ZNF100: variants seen among roughly 807,000 people sequenced by gnomAD.
ZNF100 encodes the protein zinc finger protein 100, also known as zinc finger protein 100 (Y1).
In ZNF100, 12 loss-of-function variants were observed where a neutral mutation model predicts 15.8. The observed-to-expected ratio is 0.76, with a 90% CI of 0.49 to 1.23. The LOEUF (loss-of-function observed/expected upper bound fraction) is 1.23, where lower values mean the gene tolerates loss of function less well. ZNF100 is among the 50% of genes most tolerant of loss of function. The probability of loss-of-function intolerance (pLI) is 0.00; values close to 1 mark genes in which losing one functional copy is unlikely to be tolerated. For missense variants in ZNF100, 670 were observed against 635.6 expected (o/e 1.05, Z -0.58); for synonymous variants, 226 against 214.8 (o/e 1.05, Z -0.45).
At chr19:21,735,898 C>T (rs1207789169) in intron 4 of ZNF100, among the ~76,000 whole-genome samples, 1 of 152,086 alleles carries the variant, frequency 6.6e-6, no homozygotes, top group Non-Finnish European at 1.5e-5. Flanking sequence ...ACACCATTCT[C>T]CTGCCTCAGC....
intron 2 of ZNF100, among the ~76,000 whole-genome samples, chr19:21,763,765 A>G (rs896689119): frequency 1.2e-4 from 19 of 152,176 alleles, no homozygotes; most frequent in Admixed American, 4.6e-4. Context: ...AACCTTTTCA[A>G]TCTCCAACTG....
chr19:21,749,945 T>C (rs2036274569), intron 2 of ZNF100, among the ~76,000 whole-genome samples: 1 of 152,174 alleles, frequency 6.6e-6, no homozygotes, highest in Non-Finnish European at 1.5e-5. Flanking sequence ...GGGATCAATC[T>C]GACTCTGCAT....
chr19:21,729,906 A>G (rs16998300), intron 4 of ZNF100, among the ~76,000 whole-genome samples: 13,975 of 152,100 alleles, frequency 0.092, 857 homozygotes, highest in South Asian at 0.18. Context: ...TACCAGATTG[A>G]AATATACTGT....
rs2035822374 is a variant in ZNF100 at position 21,727,394 on chromosome 19, T to C, written c.918A>G (p.Thr306=). 2 of 1,612,824 alleles carry C rather than the reference T, an allele frequency of 1.2e-6. No homozygotes were observed. The highest frequency in any genetic ancestry group is 1.7e-6 in the Non-Finnish European group (2 of 1,179,734). ...TCACTCCAGTATGAATTCTTTTATG[T>C]GTAGTAAGGTGTGAAGACCGGTTAA... The part of the protein sequence containing the change: ...KAFNRSSHLT[T]HKRIHTGVKP... The change falls in exon 5 of 5, where the codon ACA becomes ACG. Residue 306 remains threonine, a synonymous_variant. Coordinates refer to ENST00000358296, the MANE Select transcript of ZNF100 (RefSeq NM_173531.4).
At chr19:21,739,273 G>A (rs12985617) in intron 4 of ZNF100, among the ~76,000 whole-genome samples, 14,007 of 152,238 alleles carry the variant, frequency 0.092, 865 homozygotes, top group South Asian at 0.18. Flanking sequence ...AAGTCTTATT[G>A]AAGAATACGT....
intron 2 of ZNF100, chr19:21,751,222 T>C: frequency 7.7e-7 from 1 of 1,294,256 alleles, no homozygotes; most frequent in Non-Finnish European, 1.1e-6. Context: ...CTCAACAATA[T>C]TTCTAGGTGA....
At chr19:21,741,970 C>T (rs2036117215) in intron 4 of ZNF100, among the ~76,000 whole-genome samples, 1 of 152,018 alleles carries the variant, frequency 6.6e-6, no homozygotes, top group South Asian at 2.1e-4. Flanking sequence ...GAGGCACCAC[C>T]ATGTCTGGCC....
At chr19:21,767,240 G>C (rs1439963831) in intron 1 of ZNF100, among the ~76,000 whole-genome samples, 187 bp downstream of exon 1, 1 of 152,194 alleles carries the variant, frequency 6.6e-6, no homozygotes, top group Non-Finnish European at 1.5e-5. Context: ...GGAAGAGAAA[G>C]GACGCCTGGG....
rs139311458 is a variant in ZNF100 at position 21,746,990 on chromosome 19, C to T, written c.97-1923G>A. On this transcript the variant is annotated intron_variant, in intron 2 of 4. Transcript: ENST00000358296. Reference sequence around the variant, plus strand: ...CGCCCACAGACAGAAGGACCAAGACCAAAAAGTCCACCCATACCTCTCCCT... The same window carrying T: ...CGCCCACAGACAGAAGGACCAAGACTAAAAAGTCCACCCATACCTCTCCCT... The T allele has an allele frequency of 3.3e-5, 5 of 152,318 alleles. 1 individual carries two copies. The East Asian group carries it at 9.7e-4, about 29-fold the overall frequency. The allele number at this position is 152,318 out of a possible 1,614,324, so 9.4% of individuals were successfully genotyped here.
intron 2 of ZNF100, among the ~76,000 whole-genome samples, chr19:21,756,545 A>ATC (rs1317120784): frequency 6.6e-6 from 1 of 152,182 alleles, no homozygotes; most frequent in Non-Finnish European, 1.5e-5. Flanking sequence ...AATGTGAAAG[A>ATC]TCTCTATGAC....
At chr19:21,745,679 C>T (rs1055442280) in intron 2 of ZNF100, among the ~76,000 whole-genome samples, 8 of 151,898 alleles carry the variant, frequency 5.3e-5, no homozygotes, top group East Asian at 3.9e-4. Context: ...CCCGCCACCG[C>T]GCCCGGCTAA....
intron 4 of ZNF100, among the ~76,000 whole-genome samples, chr19:21,730,471 T>C (rs1453296881): frequency 1.3e-5 from 2 of 152,000 alleles, no homozygotes; most frequent in Non-Finnish European, 2.9e-5. Context: ...TGTGTGTGTG[T>C]GTGTGTGTAT....
chr19:21,766,837 CA>C (rs942988313), intron 1 of ZNF100, among the ~76,000 whole-genome samples: 4 of 151,862 alleles, frequency 2.6e-5, no homozygotes, highest in Non-Finnish European at 5.9e-5. Context: ...ACTAAAAATA[CA>C]AAAAAATAAG....
At chr19:21,733,132 T>C (rs2035946875) in intron 4 of ZNF100, among the ~76,000 whole-genome samples, 1 of 152,142 alleles carries the variant, frequency 6.6e-6, no homozygotes, top group Non-Finnish European at 1.5e-5. Context: ...ATCAAAAAAA[T>C]GTATAAATAT....
intron 2 of ZNF100, chr19:21,746,834 ACAT>A (rs1004939245): frequency 1.3e-5 from 2 of 151,856 alleles, no homozygotes; most frequent in East Asian, 1.9e-4. Flanking sequence ...AGAAAAAAAA[ACAT>A]CATTTTTCCT....
At chr19:21,741,137 G>C (rs375905677) in intron 4 of ZNF100, among the ~76,000 whole-genome samples, 1 of 152,136 alleles carries the variant, frequency 6.6e-6, no homozygotes, top group African/African-American at 2.4e-5. Context: ...TATGTCATCT[G>C]AAATAATCCA....
intron 4 of ZNF100, among the ~76,000 whole-genome samples, chr19:21,736,165 G>C (rs1194284472): frequency 5.9e-5 from 9 of 152,020 alleles, no homozygotes; most frequent in African/African-American, 9.7e-5. Flanking sequence ...TTGGCTCACT[G>C]CAACCTTCAC....
At chr19:21,738,109 G>T (rs1405111810) in intron 4 of ZNF100, among the ~76,000 whole-genome samples, 2 of 151,630 alleles carry the variant, frequency 1.3e-5, no homozygotes, top group Non-Finnish European at 2.9e-5. Flanking sequence ...AAATTATCTG[G>T]GTGTGGTAGC....
intron 4 of ZNF100, among the ~76,000 whole-genome samples, chr19:21,738,108 G>C (rs2036040227): frequency 6.6e-6 from 1 of 151,780 alleles, no homozygotes; most frequent in Admixed American, 6.6e-5. Context: ...AAAATTATCT[G>C]GGTGTGGTAG....
Sources: gnomAD v4.1 joint callset for allele counts (sites outside exome capture counted in the v4.1 genomes callset) on GRCh38, gnomAD v4.1.1 for gene constraint, MANE v1.5 for transcripts, NCBI Gene and HGNC (gene_info 2026-07-23, HGNC 2026-07-21) for gene names.